The following KIF16B variants were observed in gnomAD, a reference collection of about 807,000 sequenced individuals.
The protein encoded by KIF16B is kinesin-like protein KIF16B.
A neutral mutation model predicts 156.3 loss-of-function variants in KIF16B; 98 were observed. That is an observed-to-expected ratio of 0.63 (90% CI 0.53 to 0.74). The LOEUF is 0.74. KIF16B is among the 30% of genes least tolerant of loss of function. The probability of loss-of-function intolerance (pLI) is 0.00; values close to 1 mark genes in which losing one functional copy is unlikely to be tolerated. For synonymous variants in KIF16B, 564 were observed against 583.7 expected, an observed-to-expected ratio of 0.97 and a Z score of 0.49; for missense variants, 1,421 against 1,606.5, an observed-to-expected ratio of 0.88 and a Z score of 1.97.
intron 12 of KIF16B, among the ~76,000 whole-genome samples, chr20:16,470,454 T>G (rs2146751349): frequency 6.6e-6 from 1 of 152,098 alleles, no homozygotes; most frequent in African/African-American, 2.4e-5. Context: ...ATATGGGAAC[T>G]CTCCACACTT....
intron 10 of KIF16B, among the ~76,000 whole-genome samples, chr20:16,499,760 C>T (rs1358170542): frequency 2.0e-5 from 3 of 152,128 alleles, no homozygotes; most frequent in African/African-American, 7.2e-5. Flanking sequence ...AATAGAAGCA[C>T]AAAGACTCAT....
At chr20:16,435,506 C>A (rs1248994810) in intron 12 of KIF16B, among the ~76,000 whole-genome samples, 1 of 152,152 alleles carries the variant, frequency 6.6e-6, no homozygotes, top group Non-Finnish European at 1.5e-5. Flanking sequence ...TGTTGAACAT[C>A]CTCTACTCTA....
intron 15 of KIF16B, among the ~76,000 whole-genome samples, chr20:16,424,194 C>T (rs971119659): frequency 1.3e-5 from 2 of 152,066 alleles, no homozygotes; most frequent in Non-Finnish European, 2.9e-5. Context: ...ATCTTCCTGG[C>T]CAGCTCCAGG....
At chr20:16,429,243 A>T (rs1568971778) in intron 13 of KIF16B, among the ~76,000 whole-genome samples, 1 of 152,208 alleles carries the variant, frequency 6.6e-6, no homozygotes, top group Non-Finnish European at 1.5e-5. Context: ...TACTTTGCTC[A>T]TGACAGGAAT....
chr20:16,510,194 T>A (rs2068913171), intron 6 of KIF16B, among the ~76,000 whole-genome samples: 1 of 152,216 alleles, frequency 6.6e-6, no homozygotes, highest in South Asian at 2.1e-4. Context: ...CAGTTTTATA[T>A]GTTTTAACAT....
intron 23 of KIF16B, among the ~76,000 whole-genome samples, chr20:16,339,221 C>G (rs2064097521): frequency 6.6e-6 from 1 of 152,260 alleles, no homozygotes; most frequent in African/African-American, 2.4e-5. Context: ...ATTGCTAAAT[C>G]CACTGGTCAA....
chr20:16,531,687 C>T (rs1379226276), intron 1 of KIF16B, among the ~76,000 whole-genome samples: 1 of 152,172 alleles, frequency 6.6e-6, no homozygotes, highest in African/African-American at 2.4e-5. Flanking sequence ...GTAAATGACT[C>T]AGCATATTCC....
intron 1 of KIF16B, among the ~76,000 whole-genome samples, chr20:16,530,864 C>G (rs2069722737): frequency 6.6e-6 from 1 of 151,936 alleles, no homozygotes; most frequent in East Asian, 1.9e-4. Context: ...ACTGCACCTG[C>G]CTATTTTTGT....
At chr20:16,518,440 G>GTAA (rs2069218215) in intron 3 of KIF16B, among the ~76,000 whole-genome samples, 1 of 152,148 alleles carries the variant, frequency 6.6e-6, no homozygotes, top group African/African-American at 2.4e-5. Flanking sequence ...GATTTCCTGG[G>GTAA]TAATCCAAGG....
At chr20:16,275,334 G>T (rs2063044778) in intron 25 of KIF16B, among the ~76,000 whole-genome samples, 1 of 152,200 alleles carries the variant, frequency 6.6e-6, no homozygotes, top group African/African-American at 2.4e-5. Context: ...GGGATTACAG[G>T]TGTGAGCCAC....
At chr20:16,400,038 T>C (rs928176342) in intron 17 of KIF16B, among the ~76,000 whole-genome samples, 5 of 152,216 alleles carry the variant, frequency 3.3e-5, no homozygotes, top group East Asian at 1.9e-4. Flanking sequence ...TGAATGACCA[T>C]GCTGCTCCTT....
chr20:16,556,158 T>A (rs186942335), intron 1 of KIF16B, among the ~76,000 whole-genome samples: 320 of 152,300 alleles, frequency 2.1e-3, no homozygotes, highest in Admixed American at 3.5e-3. Context: ...AGGCTGTTCA[T>A]CTCAGCACTA....
At chr20:16,553,940 C>T (rs1315157572) in intron 1 of KIF16B, among the ~76,000 whole-genome samples, 1 of 152,212 alleles carries the variant, frequency 6.6e-6, no homozygotes, top group Non-Finnish European at 1.5e-5. Flanking sequence ...CATGCCAGTC[C>T]ACAGCCACTT....
chr20:16,557,287 T>A (rs1196503161), intron 1 of KIF16B, among the ~76,000 whole-genome samples: 1 of 151,966 alleles, frequency 6.6e-6, no homozygotes, highest in Non-Finnish European at 1.5e-5. Context: ...TTCATGCGAC[T>A]CTCCTGCCTC....
At chr20:16,406,285 A>C (rs750964117) in intron 16 of KIF16B, 89 bp downstream of exon 16, 1 of 1,110,376 alleles carries the variant, frequency 9.0e-7, no homozygotes, top group South Asian at 1.3e-5. Context: ...GCACCCCAGA[A>C]AGTCAAAAGA....
intron 12 of KIF16B, among the ~76,000 whole-genome samples, chr20:16,468,160 G>C (rs2067548337): frequency 2.0e-5 from 3 of 152,110 alleles, no homozygotes; most frequent in South Asian, 2.1e-4. Flanking sequence ...AATTATGACT[G>C]AAAGTAAAGA....
chr20:16,473,779 A>C (rs2067730330), intron 12 of KIF16B, among the ~76,000 whole-genome samples: 1 of 152,206 alleles, frequency 6.6e-6, no homozygotes, highest in Admixed American at 6.5e-5. Context: ...AAATGAGAGA[A>C]ACGAATAAGA....
chr20:16,399,008 T>G (rs1157617093), intron 17 of KIF16B, among the ~76,000 whole-genome samples: 3 of 152,182 alleles, frequency 2.0e-5, no homozygotes, highest in Non-Finnish European at 4.4e-5. Flanking sequence ...GCCCCTAGTT[T>G]GGCCTAAGAG....
chr20:16,353,070 G>A (rs1172169963), intron 23 of KIF16B, among the ~76,000 whole-genome samples: 1 of 152,150 alleles, frequency 6.6e-6, no homozygotes, highest in East Asian at 1.9e-4. Context: ...ATTATAAAGT[G>A]TAATAATATA....
Sources: allele counts gnomAD v4.1 joint callset (sites outside exome capture counted in the v4.1 genomes callset), GRCh38; gene constraint gnomAD v4.1.1; transcripts MANE v1.5; gene names NCBI Gene and HGNC (gene_info 2026-07-23, HGNC 2026-07-21).